Variants in RGR observed in about 807,000 individuals in gnomAD.
RGR encodes RPE-retinal G protein-coupled receptor.
Under a neutral mutation model 28.6 loss-of-function variants are expected in RGR, and 30 were observed. That is an observed-to-expected ratio of 1.05 (90% CI 0.78 to 1.42). The LOEUF is 1.42. Among genes scored for constraint, RGR ranks in the 40% most tolerant of loss-of-function variants. The pLI is 0.00. For missense variants in RGR, 404 were observed against 375.6 expected (o/e 1.08, Z -0.62); for synonymous variants, 180 against 156.4 (o/e 1.15, Z -1.13).
intron 2 of RGR, chr10:84,248,025 G>A (rs1328123578): frequency 1.7e-6 from 1 of 598,112 alleles, no homozygotes; most frequent in African/African-American, 1.9e-5. Flanking sequence ...TTTGCATTCT[G>A]GCTTCAGCAT....
In RGR at chr10:84,252,975, G is replaced by A. The variant is rs371215606; in HGVS notation, c.477G>A (p.Gly159=). The change falls in exon 4 of 7, where the codon GGG becomes GGA. Residue 159 remains glycine (G), a synonymous_variant. Transcript: ENST00000652092. ...GTCACTACGACTATGAGCCACTGGG[G>A]ACATGCTGCACCCTGGACTACTCCA... is the stretch of plus-strand genomic sequence containing the variant. ...GWGHYDYEPL[G]TCCTLDYSKG... is the part of the protein sequence containing the mutation. 3.3e-4 allele frequency: 536 copies of A among 1,613,844 alleles called. 1 individual carries two copies. The highest frequency in any genetic ancestry group is 4.5e-4 in the Non-Finnish European group (526 of 1,180,044).
rs1589333513 is a variant in RGR, at chr10:84,252,963, T to C, written c.465T>C (p.Tyr155=). 6.2e-7 allele frequency: 1 copy of C among 1,614,078 alleles called. No individual in the cohort carries two copies. The highest frequency in any genetic ancestry group is 8.5e-7 in the Non-Finnish European group (1 of 1,180,028). The part of the protein sequence containing the change: ...LPLLGWGHYD[Y]EPLGTCCTLD... ...TTCTGGGTTGGGGTCACTACGACTATGAGCCACTGGGGACATGCTGCACCC... is the reference window on the plus strand; with the variant it reads ...TTCTGGGTTGGGGTCACTACGACTACGAGCCACTGGGGACATGCTGCACCC... The change falls in exon 4 of 7, where the codon TAT becomes TAC. Residue 155 remains tyrosine (Y), a synonymous_variant. Transcript: ENST00000652092.
intron 1 of RGR, 31 bp downstream of exon 1, chr10:84,245,200 G>A (rs978708712): frequency 5.6e-6 from 9 of 1,604,608 alleles, no homozygotes; most frequent in Admixed American, 5.0e-5. Context: ...GGTGCAGCGG[G>A]GGCCCAGTGG....
intron 3 of RGR, among the ~76,000 whole-genome samples, chr10:84,249,657 G>A (rs1465383070): frequency 6.6e-6 from 1 of 152,214 alleles, no homozygotes; most frequent in South Asian, 2.1e-4. Context: ...AAAATGAAAT[G>A]AGATCAGGGA....
At chr10:84,250,551 CA>C (rs1842803733) in intron 3 of RGR, 12 of 662,902 alleles carry the variant, frequency 1.8e-5, no homozygotes, top group Admixed American at 4.3e-5. Context: ...CACACACACA[CA>C]CACCACCTTC....
Position 84,248,913 on chromosome 10 carries a change from C to T in RGR, c.237-9C>T, listed in dbSNP as rs1171682059. ...AGGAGAGGTCACTGGTGCCCAGTGT[C>T]TCCCACAGGCGCTGGCCCTACGGCT... is the stretch of plus-strand genomic sequence containing the variant. On this transcript the variant is annotated splice_polypyrimidine_tract_variant and intron_variant, in intron 2 of 6. Coordinates refer to ENST00000652092, the MANE Select transcript of RGR (RefSeq NM_001012720.2). The T allele has an allele frequency of 2.5e-6, 4 of 1,614,226 alleles. No homozygotes were observed. In the East Asian group the frequency reaches 6.7e-5, roughly 27 times the overall value.
In RGR at chr10:84,258,225, CAT is replaced by C. The variant is rs1842912064; in HGVS notation, c.744+220_744+221del. On this transcript the variant is annotated intron_variant, in intron 6 of 6. Transcript: ENST00000652092. ...CTGCTGCTTGACATTGCCCAAACCT[CAT>C]GTGAGATGACAGGGACAGCCAGCCA... 5.9e-5 allele frequency among the ~76,000 whole-genome samples: 9 copies of C among 152,236 alleles called. No homozygotes were observed. In the East Asian group the frequency reaches 1.7e-3, roughly 29 times the overall value.
chr10:84,247,569 C>T, intron 1 of RGR, 22 bp from the exon 2 acceptor site: 5 of 1,614,040 alleles, frequency 3.1e-6, no homozygotes, highest in Non-Finnish European at 4.2e-6. Flanking sequence ...GCCCCAATGC[C>T]AGCCCCCACC....
chr10:84,255,718 C>A (rs113607362), intron 5 of RGR, among the ~76,000 whole-genome samples: 13 of 102,852 alleles, frequency 1.3e-4, no homozygotes, highest in African/African-American at 4.7e-4. Context: ...GGTTTTCTTT[C>A]TTTTTTTTTT....
Position 84,247,611 on chromosome 10 carries a change from A to G in RGR, c.100A>G (p.Asn34Asp). Residue 34 changes from asparagine (N) to aspartate (D), a missense_variant, in exon 2 of 7, where the codon AAT becomes GAT. By Grantham distance (23) the Asn-to-Asp change is conservative. Coordinates refer to ENST00000652092, the MANE Select transcript of RGR (RefSeq NM_001012720.2). ...LVEALSGLSLNTLTIFSFCKT... is the reference protein window; with the variant it reads ...LVEALSGLSLDTLTIFSFCKT... ...TTCAGCTCTCTCCGGTCTCAGCCTC[A>G]ATACCCTGACCATCTTCTCTTTCTG... is the stretch of plus-strand genomic sequence containing the variant. 1 of 1,614,024 alleles carries G rather than the reference A, an allele frequency of 6.2e-7. No homozygotes were observed. Among genetic ancestry groups the G allele is most frequent in the Non-Finnish European group, 8.5e-7 (1 of 1,180,016 alleles).
At chr10:84,249,829 C>T (rs2132879979) in intron 3 of RGR, among the ~76,000 whole-genome samples, 1 of 152,216 alleles carries the variant, frequency 6.6e-6, no homozygotes, top group African/African-American at 2.4e-5. Flanking sequence ...TGTCAAATAC[C>T]ATCTTCATAA....
chr10:84,245,135 G>A lies in RGR; in HGVS notation c.45G>A (p.Glu15=). The change falls in exon 1 of 7, where the codon GAG becomes GAA. Residue 15 remains glutamate, a synonymous_variant. Coordinates refer to ENST00000652092, the MANE Select transcript of RGR (RefSeq NM_001012720.2). Reference sequence around the variant, plus strand: ...TGCCCACTGGCTTCGGGGAGCTCGAGGTGCTGGCTGTGGGGATGGTGCTAC... The same window carrying A: ...TGCCCACTGGCTTCGGGGAGCTCGAAGTGCTGGCTGTGGGGATGGTGCTAC... ...SALPTGFGEL[E]VLAVGMVLLV... is the part of the protein sequence containing the mutation. 2 of 1,613,386 alleles carry A rather than the reference G, an allele frequency of 1.2e-6. No individual in the cohort carries two copies. The highest frequency in any genetic ancestry group is 1.7e-4 in the Middle Eastern group (1 of 5,740).
chr10:84,245,248 G>A, intron 1 of RGR, 79 bp downstream of exon 1: 5 of 1,432,630 alleles, frequency 3.5e-6, no homozygotes, highest in Non-Finnish European at 4.8e-6. Flanking sequence ...GAGCTGGCAA[G>A]GAGAGGAGAG....
intron 1 of RGR, among the ~76,000 whole-genome samples, chr10:84,246,654 A>G (rs546565185): frequency 3.3e-5 from 5 of 152,264 alleles, no homozygotes; most frequent in Admixed American, 6.5e-5. Flanking sequence ...TTGATTTCGT[A>G]TCTTTGCAAT....
chr10:84,257,974 G>A lies in RGR; in HGVS notation c.712G>A (p.Asp238Asn), dbSNP rs1319233409. ...AILYLYAVIA[D>N]VTSISPKLQM... ...CCTGTATCTATACGCAGTCATCGCA[G>A]ACGTGACTTCCATCTCCCCCAAACT... The change falls in exon 6 of 7, where the codon GAC becomes AAC. Residue 238 changes from aspartate to asparagine, a missense_variant. Physicochemically the swap from Asp to Asn is conservative, Grantham distance 23. Transcript: ENST00000652092. The A allele has an allele frequency of 6.2e-7, 1 of 1,614,196 alleles. No homozygotes were observed. Among genetic ancestry groups the A allele is most frequent in the Non-Finnish European group, 8.5e-7 (1 of 1,180,044 alleles).
At chr10:84,249,821 T>C (rs1842793562) in intron 3 of RGR, among the ~76,000 whole-genome samples, 1 of 152,224 alleles carries the variant, frequency 6.6e-6, no homozygotes, top group Admixed American at 6.5e-5. Context: ...AGCTGCACTG[T>C]CAAATACCAT....
chr10:84,258,599 G>A lies in RGR; in HGVS notation c.836G>A (p.Cys279Tyr). ...NEMVCRGIWQ[C>Y]LSPQKREKDR... ...ATGGTCTGCAGGGGAATCTGGCAGT[G>A]CCTCTCACCGCAGAAGAGGGAGAAG... The change falls in exon 7 of 7, where the codon TGC becomes TAC. Residue 279 changes from cysteine (C) to tyrosine (Y), a missense_variant. Transcript: ENST00000652092. The A allele has an allele frequency of 1.9e-6, 3 of 1,614,204 alleles. No individual in the cohort carries two copies. The highest frequency in any genetic ancestry group is 2.5e-6 in the Non-Finnish European group (3 of 1,180,040).
chr10:84,249,170 G>A, intron 3 of RGR, 127 bp downstream of exon 3: 1 of 1,346,884 alleles, frequency 7.4e-7, no homozygotes, highest in South Asian at 1.3e-5. Context: ...GGGTAGGTGT[G>A]AGTGTGCATG....
intron 4 of RGR, among the ~76,000 whole-genome samples, chr10:84,253,868 C>A (rs572778435): frequency 2.0e-5 from 3 of 152,260 alleles, no homozygotes; most frequent in African/African-American, 7.2e-5. Context: ...CCCACTATTC[C>A]CTTCACCTCC....
Sources: gnomAD v4.1 joint callset for allele counts (sites outside exome capture counted in the v4.1 genomes callset) on GRCh38, gnomAD v4.1.1 for gene constraint, MANE v1.5 for transcripts, NCBI Gene and HGNC (gene_info 2026-07-23, HGNC 2026-07-21) for gene names.